Variants in ALDH18A1 observed in about 807,000 individuals in gnomAD.
The protein encoded by ALDH18A1 is aldehyde dehydrogenase 18 family member A1, also known as delta-1-pyrroline-5-carboxylate synthase.
ALDH18A1 carries 44 observed loss-of-function variants against 88.8 expected under a neutral mutation model. The observed-to-expected ratio is 0.50, with a 90% CI of 0.39 to 0.64. ALDH18A1 has a LOEUF of 0.64. Among genes scored for constraint, ALDH18A1 ranks in the 30% least tolerant of loss-of-function variants. The probability of loss-of-function intolerance (pLI) is 0.00; values close to 1 mark genes in which losing one functional copy is unlikely to be tolerated. For missense variants in ALDH18A1, 782 were observed against 1,009.5 expected (o/e 0.77, Z 3.05); for synonymous variants, 331 against 372.1 (o/e 0.89, Z 1.27).
At chr10:95,625,325 C>G in intron 11 of ALDH18A1, 37 bp downstream of exon 11, 1 of 1,550,648 alleles carries the variant, frequency 6.4e-7, no homozygotes, top group South Asian at 1.1e-5. Flanking sequence ...AATGCACACC[C>G]CTCCACAACA....
chr10:95,617,520 T>C (rs1252344890), intron 12 of ALDH18A1, among the ~76,000 whole-genome samples: 3 of 152,214 alleles, frequency 2.0e-5, no homozygotes, highest in Non-Finnish European at 2.9e-5. Context: ...CAGAGTCTTT[T>C]TCCCACATGC....
At chr10:95,614,308 T>C in intron 13 of ALDH18A1, 147 bp from the exon 14 acceptor site, 1 of 870,482 alleles carries the variant, frequency 1.1e-6, no homozygotes, top group Non-Finnish European at 1.8e-6. Context: ...CAAAATTAAG[T>C]TCCCGATCAT....
intron 7 of ALDH18A1, among the ~76,000 whole-genome samples, chr10:95,629,006 T>C (rs1274999719): frequency 6.6e-6 from 1 of 152,218 alleles, no homozygotes; most frequent in Non-Finnish European, 1.5e-5. Flanking sequence ...TGAGTCACTG[T>C]AGAGGTTAGG....
chr10:95,630,256 C>T (rs1006449681), intron 7 of ALDH18A1, among the ~76,000 whole-genome samples: 1 of 152,152 alleles, frequency 6.6e-6, no homozygotes, highest in Non-Finnish European at 1.5e-5. Flanking sequence ...GGATTACAGG[C>T]ATGTGCCACC....
chr10:95,628,608 C>T (rs944856289), intron 7 of ALDH18A1, 116 bp from the exon 8 acceptor site: 8 of 1,257,582 alleles, frequency 6.4e-6, no homozygotes, highest in African/African-American at 4.5e-5. Context: ...AATTCCACTG[C>T]ACTACCACCT....
At chr10:95,641,809 T>A (rs2097892219) in intron 3 of ALDH18A1, among the ~76,000 whole-genome samples, 1 of 151,760 alleles carries the variant, frequency 6.6e-6, no homozygotes, top group Admixed American at 6.6e-5. Context: ...GGCTAATTTT[T>A]AAAAAAATTT....
rs539797158 is a variant in ALDH18A1 at position 95,615,837 on chromosome 10, G to A, written c.1605+640C>T. 2.0e-5 allele frequency among the ~76,000 whole-genome samples: 3 copies of A among 152,188 alleles called. No individual in the cohort carries two copies. The East Asian group carries it at 5.8e-4, about 29-fold the overall frequency. ...CTATCACACACCATGTGACTCTTGG[G>A]GAATTACTTTACCTCTGAATCTGTT... On this transcript the variant is annotated intron_variant, in intron 13 of 17. Transcript: ENST00000371224.
At position 95,606,430 on chromosome 10, in the gene ALDH18A1, A is replaced by G. The variant is rs1439638368; in HGVS notation, c.*332T>C. ...CCAACTAAATGCCAAGGGGGACTGT[A>G]AGTCACTGAGGTGACACAAAGCAGC... is the stretch of plus-strand genomic sequence containing the variant. On this transcript the variant is annotated 3_prime_UTR_variant, in exon 18 of 18. Transcript: ENST00000371224. 1 of 1,187,950 alleles carries G rather than the reference A, an allele frequency of 8.4e-7. No homozygotes were observed. Among genetic ancestry groups the G allele is most frequent in the Non-Finnish European group, 1.1e-6 (1 of 950,284 alleles). The allele number at this position is 1,187,950 out of a possible 1,614,324, so 73.6% of individuals were successfully genotyped here. A position where few individuals can be genotyped will look rare whatever the true frequency, so the allele number is the denominator to read the frequency against.
At chr10:95,632,522 T>C (rs1407811973) in intron 7 of ALDH18A1, among the ~76,000 whole-genome samples, 2 of 152,134 alleles carry the variant, frequency 1.3e-5, no homozygotes, top group African/African-American at 4.8e-5. Flanking sequence ...TACCACCATG[T>C]CCAGCTGACT....
rs747315007 is a variant in ALDH18A1, at chr10:95,613,737, C to T, written c.1923+5G>A. 1 of 1,614,088 alleles carries T rather than the reference C, an allele frequency of 6.2e-7. No individual in the cohort carries two copies. Among genetic ancestry groups the T allele is most frequent in the Non-Finnish European group, 8.5e-7 (1 of 1,179,974 alleles). ...AGTAATGTACTAGTCCTATGGAACT[C>T]TTACCTGTTCCACTCTCAGCATATC... On this transcript the variant is annotated splice_donor_5th_base_variant and intron_variant, in intron 15 of 17. Transcript: ENST00000371224.
At chr10:95,648,284 A>G (rs1373758124) in intron 2 of ALDH18A1, among the ~76,000 whole-genome samples, 1 of 152,032 alleles carries the variant, frequency 6.6e-6, no homozygotes, top group Non-Finnish European at 1.5e-5. Context: ...GAGTGAGAGC[A>G]GAGGAAAAAT....
intron 5 of ALDH18A1, among the ~76,000 whole-genome samples, chr10:95,635,939 A>G (rs2097879792): frequency 6.6e-6 from 1 of 151,730 alleles, no homozygotes; most frequent in Admixed American, 6.6e-5. Flanking sequence ...GACTGTGAAG[A>G]GAAACCAAAT....
intron 3 of ALDH18A1, among the ~76,000 whole-genome samples, chr10:95,641,352 T>C (rs2097890987): frequency 6.6e-6 from 1 of 151,990 alleles, no homozygotes; most frequent in South Asian, 2.1e-4. Flanking sequence ...TCGCAAAGGG[T>C]AAAGACTGTT....
At chr10:95,627,136 C>T (rs530406588) in intron 9 of ALDH18A1, among the ~76,000 whole-genome samples, 7 of 152,122 alleles carry the variant, frequency 4.6e-5, no homozygotes, top group Non-Finnish European at 8.8e-5. Context: ...AGAGCACATA[C>T]TGTATCATAT....
intron 5 of ALDH18A1, among the ~76,000 whole-genome samples, chr10:95,635,675 C>T (rs1394014102): frequency 1.3e-5 from 2 of 152,110 alleles, no homozygotes; most frequent in African/African-American, 2.4e-5. Flanking sequence ...GAGGAAAGAG[C>T]CCAGGGGTTG....
At chr10:95,653,101 T>C (rs2097912948) in intron 2 of ALDH18A1, among the ~76,000 whole-genome samples, 189 bp downstream of exon 2, 1 of 151,642 alleles carries the variant, frequency 6.6e-6, no homozygotes, top group South Asian at 2.1e-4. Flanking sequence ...GGCAGGAGGA[T>C]TGCTTGAGTC....
At chr10:95,621,278 A>T (rs747278089) in intron 11 of ALDH18A1, 27 bp from the exon 12 acceptor site, 1 of 1,591,876 alleles carries the variant, frequency 6.3e-7, no homozygotes, top group Non-Finnish European at 8.6e-7. Flanking sequence ...AGGATATGAT[A>T]AAGTAGCAGA....
chr10:95,609,941 T>G (rs1316299229), intron 17 of ALDH18A1, among the ~76,000 whole-genome samples: 1 of 151,996 alleles, frequency 6.6e-6, no homozygotes, highest in Non-Finnish European at 1.5e-5. Context: ...GCTAATTTTT[T>G]GCATTTTTAG....
chr10:95,622,355 GGCT>G (rs1306743920), intron 11 of ALDH18A1, among the ~76,000 whole-genome samples: 22 of 151,882 alleles, frequency 1.4e-4, no homozygotes, highest in Non-Finnish European at 2.8e-4. Context: ...GTATCACCAT[GGCT>G]GGCTAATTTT....
Sources: gnomAD v4.1 joint callset for allele counts (sites outside exome capture counted in the v4.1 genomes callset) on GRCh38, gnomAD v4.1.1 for gene constraint, MANE v1.5 for transcripts, NCBI Gene and HGNC (gene_info 2026-07-23, HGNC 2026-07-21) for gene names.